Variants in MLLT1 observed in about 807,000 individuals in gnomAD.
The protein encoded by MLLT1 is MLLT1 super elongation complex subunit.
In MLLT1, 11 loss-of-function variants were observed where a neutral mutation model predicts 55.1. The ratio of observed to expected loss-of-function variants is 0.20; its 90% CI spans 0.13 to 0.33. The LOEUF (loss-of-function observed/expected upper bound fraction) is 0.33, where lower values mean the gene tolerates loss of function less well. MLLT1 is among the 10% of genes least tolerant of loss of function. MLLT1 has a pLI of 1.00. For synonymous variants in MLLT1, 323 were observed against 320.1 expected (o/e 1.01, Z -0.10); for missense variants, 536 against 760.6 (o/e 0.70, Z 3.47).
In MLLT1 at chr19:6,222,112, C is replaced by T; in HGVS notation, c.1110+9G>A. The stretch of plus-strand genomic sequence containing the variant: ...GCACCTGGCTGCCCTGCCCCCAGCA[C>T]TCACTCACCTCGGACTTGAAGGAGG... On this transcript the variant is annotated intron_variant, in intron 6 of 11. Transcript: ENST00000252674. This position sits in a 1 kb window ranked among gnomAD's most constrained non-coding sequence, Gnocchi z 4.1. 1 of 1,498,754 alleles carries T rather than the reference C, an allele frequency of 6.7e-7. No homozygotes were observed. Among genetic ancestry groups the T allele is most frequent in the East Asian group, 2.4e-5 (1 of 41,564 alleles). 92.8% of individuals were successfully genotyped at this position (1,498,754 alleles called of 1,614,324 possible).
intron 6 of MLLT1, among the ~76,000 whole-genome samples, chr19:6,218,452 G>T (rs1376290815): frequency 6.6e-6 from 1 of 152,262 alleles, no homozygotes; most frequent in African/African-American, 2.4e-5. Context: ...GTCTGGAACA[G>T]GAAAGCTGGG....
intron 1 of MLLT1, among the ~76,000 whole-genome samples, chr19:6,276,863 A>G (rs2091430749): frequency 1.3e-5 from 2 of 152,202 alleles, no homozygotes; most frequent in Admixed American, 1.3e-4. Flanking sequence ...CCTGGCCATA[A>G]GGAAAAGATG....
At chr19:6,233,551 C>T (rs1003099022) in intron 3 of MLLT1, among the ~76,000 whole-genome samples, 4 of 152,154 alleles carry the variant, frequency 2.6e-5, no homozygotes, top group Non-Finnish European at 4.4e-5. Flanking sequence ...GAAGGGAGGG[C>T]GGCCTAGGGA....
intron 3 of MLLT1, among the ~76,000 whole-genome samples, chr19:6,257,878 T>A (rs761395777): frequency 1.3e-5 from 2 of 152,090 alleles, no homozygotes; most frequent in South Asian, 2.1e-4. Context: ...CCAGCAAGCA[T>A]GTGAAAAGAC....
chr19:6,216,416 C>G lies in MLLT1; in HGVS notation c.1296G>C (p.Gly432=), dbSNP rs753340871. The G allele has an allele frequency of 6.2e-7, 1 of 1,606,588 alleles. No homozygotes were observed. The highest frequency in any genetic ancestry group is 1.3e-5 in the African/African-American group (1 of 74,944). ...CACCGGGCCGTCACCTGGAGTCCCT[C>G]CCCGGGTTGGTCTTGCCGGCAGCCT... ...GEEAAGKTNP[G]RDSRLSFSDS... The change falls in exon 8 of 12, where the codon GGG becomes GGC. Residue 432 remains glycine, a synonymous_variant. Transcript: ENST00000252674.
At position 6,227,784 on chromosome 19, in the gene MLLT1, G is replaced by A. The variant is rs911732514; in HGVS notation, c.421-682C>T. ...GACGAAAGTTCTGGGGTCCTTCCAG[G>A]AGGGCTCCCAGGAAACACCTGCTGT... On this transcript the variant is annotated intron_variant, in intron 4 of 11. Transcript: ENST00000252674. This position sits in a 1 kb window ranked among gnomAD's most constrained non-coding sequence, Gnocchi z 5.1. 2.0e-5 allele frequency among the ~76,000 whole-genome samples: 3 copies of A among 152,176 alleles called. No individual in the cohort carries two copies. The highest frequency in any genetic ancestry group is 7.2e-5 in the African/African-American group (3 of 41,438).
rs750691863 is a variant in MLLT1 at position 6,222,265 on chromosome 19, G to A, written c.966C>T (p.Ser322=). The change falls in exon 6 of 12, where the codon TCC becomes TCT. Residue 322 remains serine, a synonymous_variant. Coordinates refer to ENST00000252674, the MANE Select transcript of MLLT1 (RefSeq NM_005934.4). The surrounding 1 kb of genome is among the most constrained non-coding windows in gnomAD (Gnocchi z 4.1). ...PGTSPRTSSS[S]SFSDKKPAKD... Reference sequence around the variant, plus strand: ...TGGCCGGCTTCTTGTCCGAGAAGGAGGAGGAGGAGGAGGTGCGGGGCGAGG... The same window carrying A: ...TGGCCGGCTTCTTGTCCGAGAAGGAAGAGGAGGAGGAGGTGCGGGGCGAGG... 3.1e-6 allele frequency: 5 copies of A among 1,612,202 alleles called. No homozygotes were observed. The highest frequency in any genetic ancestry group is 1.3e-5 in the African/African-American group (1 of 74,998).
intron 3 of MLLT1, among the ~76,000 whole-genome samples, chr19:6,242,942 C>T (rs2091129670): frequency 6.6e-6 from 1 of 152,202 alleles, no homozygotes; most frequent in Non-Finnish European, 1.5e-5. Flanking sequence ...CCAAGCACAC[C>T]AAGCCAGAAA....
intron 8 of MLLT1, among the ~76,000 whole-genome samples, chr19:6,214,416 C>T (rs1223345757): frequency 6.6e-6 from 1 of 152,208 alleles, no homozygotes; most frequent in Non-Finnish European, 1.5e-5. Flanking sequence ...TCTCCCAGCA[C>T]TGCCCTAGGG....
In MLLT1 at chr19:6,212,816, CG is replaced by C. The variant is rs915254066; in HGVS notation, c.*225del. 19 of 894,220 alleles carry C rather than the reference CG, an allele frequency of 2.1e-5. No homozygotes were observed. In the South Asian group the frequency reaches 2.9e-4, roughly 14 times the overall value. The allele number at this position is 894,220 out of a possible 1,614,324, so 55.4% of individuals were successfully genotyped here. On this transcript the variant is annotated 3_prime_UTR_variant, in exon 12 of 12. Coordinates refer to ENST00000252674, the MANE Select transcript of MLLT1 (RefSeq NM_005934.4). ...CTCTCTGAGGGGAGCCCAGAGAGCC[CG>C]GGGGGCGGCTCCCGTGTGGCCCAGC...
At chr19:6,237,603 A>C (rs550930131) in intron 3 of MLLT1, among the ~76,000 whole-genome samples, 150 of 129,416 alleles carry the variant, frequency 1.2e-3, no homozygotes, top group African/African-American at 5.2e-3. Context: ...TAAAAATACA[A>C]AAAAAAAAAA....
At chr19:6,243,720 G>A (rs2091137961) in intron 3 of MLLT1, among the ~76,000 whole-genome samples, 1 of 151,976 alleles carries the variant, frequency 6.6e-6, no homozygotes, top group African/African-American at 2.4e-5. Flanking sequence ...CCCTAGAAGG[G>A]ACCACCCCAT....
At position 6,237,485 on chromosome 19, in the gene MLLT1, C is replaced by T. The variant is rs112283441; in HGVS notation, c.277-6772G>A. On this transcript the variant is annotated intron_variant, in intron 3 of 11. Coordinates refer to ENST00000252674, the MANE Select transcript of MLLT1 (RefSeq NM_005934.4). ...CTTAAAAAAACATTTTGGCCAGGCG[C>T]GGTGGCTCACGCCTGTAATCCCATC... Among the ~76,000 whole-genome samples, 411 of 151,920 alleles carry T rather than the reference C, an allele frequency of 2.7e-3. 2 individuals carry two copies. Among genetic ancestry groups the T allele is most frequent in the African/African-American group, 9.4e-3 (389 of 41,424 alleles).
rs909406949 is a variant in MLLT1, at chr19:6,212,374, C to T, written c.*668G>A. 1.9e-6 allele frequency: 2 copies of T among 1,066,238 alleles called. No individual in the cohort carries two copies. The highest frequency in any genetic ancestry group is 3.3e-5 in the African/African-American group (2 of 61,132). 66.0% of individuals were successfully genotyped at this position (1,066,238 alleles called of 1,614,324 possible). On this transcript the variant is annotated 3_prime_UTR_variant, in exon 12 of 12. Transcript: ENST00000252674. ...CTCGGCCTCCAGCCCCACACCACCGCAGAGACATCTTAACCTACAAGCCCC... is the reference window on the plus strand; with the variant it reads ...CTCGGCCTCCAGCCCCACACCACCGTAGAGACATCTTAACCTACAAGCCCC...
chr19:6,253,660 C>T (rs528263193), intron 3 of MLLT1, among the ~76,000 whole-genome samples: 3 of 152,188 alleles, frequency 2.0e-5, no homozygotes, highest in Non-Finnish European at 2.9e-5. Context: ...GAATGCAAGG[C>T]GGCAGGGGGT....
Position 6,231,192 on chromosome 19 carries a change from G to A in MLLT1, c.277-479C>T, listed in dbSNP as rs2091006446. Among the ~76,000 whole-genome samples the A allele has an allele frequency of 6.6e-6, 1 of 152,208 alleles. No individual in the cohort carries two copies. The highest frequency in any genetic ancestry group is 1.9e-4 in the East Asian group (1 of 5,190). ...TCAAACGACAGCACAGCACCCAGAG[G>A]GGGCAAAAGTACAAGGTCACGACCC... On this transcript the variant is annotated intron_variant, in intron 3 of 11. Transcript: ENST00000252674. This position sits in a 1 kb window ranked among gnomAD's most constrained non-coding sequence, Gnocchi z 5.1.
chr19:6,277,817 C>A (rs2144970705), intron 1 of MLLT1, among the ~76,000 whole-genome samples: 1 of 152,336 alleles, frequency 6.6e-6, no homozygotes, highest in South Asian at 2.1e-4. Context: ...AAAGTGGACA[C>A]TAAAGGTATA....
At position 6,213,777 on chromosome 19, in the gene MLLT1, G is replaced by A. The variant is rs755110350; in HGVS notation, c.1428C>T (p.Pro476=). The A allele has an allele frequency of 1.2e-5, 19 of 1,612,560 alleles. No individual in the cohort carries two copies. In the Middle Eastern group the frequency reaches 4.9e-4, roughly 42 times the overall value. The change falls in exon 10 of 12, where the codon CCC becomes CCT. Residue 476 remains proline (P), a synonymous_variant. Transcript: ENST00000252674. ...PNSKVSGRRS[P]ESCSKPEKIL... ...TCTTCTCAGGCTTGCTGCAGGACTC[G>A]GGGCTCCTCCGGCCTGACACCTGCA...
rs902923754 is a variant in MLLT1 at position 6,212,644 on chromosome 19, G to A, written c.*398C>T. On this transcript the variant is annotated 3_prime_UTR_variant, in exon 12 of 12. Transcript: ENST00000252674. ...TGTGTTCTGAACCATTCGGGAGGCTGGAGATGCCCCCCAGCCGTCGATCCG... is the reference window on the plus strand; with the variant it reads ...TGTGTTCTGAACCATTCGGGAGGCTAGAGATGCCCCCCAGCCGTCGATCCG... The A allele has an allele frequency of 4.5e-6, 5 of 1,116,754 alleles. No individual in the cohort carries two copies. In the African/African-American group the frequency reaches 6.5e-5, roughly 15 times the overall value. 69.2% of individuals were successfully genotyped at this position (1,116,754 alleles called of 1,614,324 possible).
Sources: allele counts gnomAD v4.1 joint callset (sites outside exome capture counted in the v4.1 genomes callset), GRCh38; gene constraint gnomAD v4.1.1; non-coding constraint Gnocchi (gnomAD v3.1); transcripts MANE v1.5; gene names NCBI Gene and HGNC (gene_info 2026-07-23, HGNC 2026-07-21).